The following GRID2 variants were observed in gnomAD, a reference collection of about 807,000 sequenced individuals.
GRID2 encodes the protein glutamate ionotropic receptor delta type subunit 2.
Under a neutral mutation model 114.8 loss-of-function variants are expected in GRID2, and 33 were observed. The observed-to-expected ratio is 0.29, with a 90% CI of 0.22 to 0.38. GRID2 has a LOEUF of 0.38. Among genes scored for constraint, GRID2 ranks in the 10% least tolerant of loss-of-function variants. GRID2 has a pLI of 1.00. For missense variants in GRID2, 1,184 were observed against 1,257.7 expected (o/e 0.94, Z 0.89); for synonymous variants, 505 against 449.9 (o/e 1.12, Z -1.55).
At chr4:92,437,755 A>G (rs762917089) in intron 1 of GRID2, among the ~76,000 whole-genome samples, 6 of 152,212 alleles carry the variant, frequency 3.9e-5, no homozygotes, top group Non-Finnish European at 8.8e-5. Context: ...TCTATATTAC[A>G]TCTACATGGC....
chr4:92,904,353 ATATT>A (rs1233549682), intron 2 of GRID2, among the ~76,000 whole-genome samples: 7 of 150,388 alleles, frequency 4.7e-5, no homozygotes, highest in South Asian at 2.1e-4. Flanking sequence ...TAAATAAAAT[ATATT>A]TATTTTCAAT....
intron 2 of GRID2, among the ~76,000 whole-genome samples, chr4:92,988,643 T>C (rs1252508730): frequency 6.6e-6 from 1 of 152,124 alleles, no homozygotes; most frequent in Non-Finnish European, 1.5e-5. Context: ...TTACCCAATT[T>C]ATAGACACGA....
At chr4:93,705,509 G>A (rs1048757509) in intron 14 of GRID2, among the ~76,000 whole-genome samples, 2 of 150,902 alleles carry the variant, frequency 1.3e-5, no homozygotes, top group Non-Finnish European at 3.0e-5. Flanking sequence ...TTTTTGTATT[G>A]CCCAGTTTTT....
intron 2 of GRID2, among the ~76,000 whole-genome samples, chr4:92,998,312 A>G (rs1013116441): frequency 1.3e-5 from 2 of 151,988 alleles, no homozygotes; most frequent in Non-Finnish European, 2.9e-5. Flanking sequence ...ATTTTGAACT[A>G]TTTTCACTGA....
chr4:93,060,972 A>G (rs543576109), intron 2 of GRID2, among the ~76,000 whole-genome samples: 1 of 152,022 alleles, frequency 6.6e-6, no homozygotes, highest in South Asian at 2.1e-4. Context: ...ACGTGGTGGC[A>G]TGTGCCTGTA....
chr4:92,382,281 C>T (rs1299889648), intron 1 of GRID2, among the ~76,000 whole-genome samples: 2 of 151,812 alleles, frequency 1.3e-5, no homozygotes, highest in African/African-American at 4.8e-5. Context: ...ATGGCAACAG[C>T]ATAGCACCCA....
chr4:92,542,591 G>C (rs1302090586), intron 1 of GRID2, among the ~76,000 whole-genome samples: 1 of 151,880 alleles, frequency 6.6e-6, no homozygotes, highest in South Asian at 2.1e-4. Context: ...TGAAGATGCA[G>C]AGCATAAGAA....
intron 9 of GRID2, among the ~76,000 whole-genome samples, chr4:93,404,003 T>A (rs1215556792): frequency 1.3e-5 from 2 of 152,126 alleles, no homozygotes; most frequent in Non-Finnish European, 2.9e-5. Flanking sequence ...AATGGATACA[T>A]AAAATGTAGT....
intron 14 of GRID2, among the ~76,000 whole-genome samples, chr4:93,737,077 TA>T (rs1215070120): frequency 1.3e-5 from 2 of 152,094 alleles, no homozygotes; most frequent in African/African-American, 4.8e-5. Flanking sequence ...TAATGATTTT[TA>T]GTTGTAAAAT....
chr4:92,630,483 CT>C, intron 2 of GRID2, among the ~76,000 whole-genome samples: 1 of 152,194 alleles, frequency 6.6e-6, no homozygotes, highest in Non-Finnish European at 1.5e-5. Flanking sequence ...GGGACTTAGC[CT>C]TTGCTACATA....
At chr4:93,124,346 C>T (rs1033258035) in intron 4 of GRID2, among the ~76,000 whole-genome samples, 3 of 152,132 alleles carry the variant, frequency 2.0e-5, no homozygotes, top group South Asian at 4.1e-4. Context: ...ATAGTGAGCT[C>T]ATGCATTCTA....
intron 8 of GRID2, among the ~76,000 whole-genome samples, chr4:93,388,964 A>G (rs569219064): frequency 3.3e-5 from 5 of 152,284 alleles, no homozygotes; most frequent in Admixed American, 3.3e-4. Flanking sequence ...GAGACAGTGA[A>G]GTGATAGTGA....
chr4:93,582,778 A>T (rs1230546498), intron 13 of GRID2, among the ~76,000 whole-genome samples: 1 of 152,180 alleles, frequency 6.6e-6, no homozygotes, highest in African/African-American at 2.4e-5. Context: ...TTGGGGAAAT[A>T]AATAATTCCT....
intron 1 of GRID2, among the ~76,000 whole-genome samples, chr4:92,442,694 T>C (rs540706437): frequency 1.3e-5 from 2 of 152,266 alleles, no homozygotes; most frequent in Admixed American, 1.3e-4. Flanking sequence ...GATGGCCTTT[T>C]GACCTTTTAG....
intron 1 of GRID2, among the ~76,000 whole-genome samples, chr4:92,531,416 C>A: frequency 6.6e-6 from 1 of 151,588 alleles, no homozygotes; most frequent in African/African-American, 2.4e-5. Flanking sequence ...GAGAATGAAA[C>A]CAACAAACAA....
intron 2 of GRID2, among the ~76,000 whole-genome samples, chr4:92,722,980 A>G (rs995335769): frequency 6.6e-6 from 1 of 152,202 alleles, no homozygotes; most frequent in African/African-American, 2.4e-5. Context: ...ATCATTAAAG[A>G]CAAAGATGTT....
At chr4:93,115,864 A>G (rs1050721532) in intron 4 of GRID2, among the ~76,000 whole-genome samples, 104 of 152,246 alleles carry the variant, frequency 6.8e-4, no homozygotes, top group Admixed American at 5.9e-4. Flanking sequence ...GGTCCCTCCT[A>G]CAACACATGG....
chr4:93,153,564 A>G (rs1429515172), intron 4 of GRID2, among the ~76,000 whole-genome samples: 1 of 151,994 alleles, frequency 6.6e-6, no homozygotes, highest in African/African-American at 2.4e-5. Flanking sequence ...GTTCTAGCCG[A>G]TGTGCTATGA....
rs570120835 is a variant in GRID2, at chr4:93,235,309, A to G, written c.1126-3062A>G. On this transcript the variant is annotated intron_variant, in intron 7 of 15. Coordinates refer to ENST00000282020, the MANE Select transcript of GRID2 (RefSeq NM_001510.4). Reference sequence around the variant, plus strand: ...TACTGCCAATTTAAAGGACGTTTAGAAATTATCTGTATGTGTTATTCATAC... The same window carrying G: ...TACTGCCAATTTAAAGGACGTTTAGGAATTATCTGTATGTGTTATTCATAC... Among the ~76,000 whole-genome samples, 3 of 152,250 alleles carry G rather than the reference A, an allele frequency of 2.0e-5. No individual in the cohort carries two copies. The South Asian group carries it at 6.2e-4, about 32-fold the overall frequency.
Sources: allele counts gnomAD v4.1 joint callset (sites outside exome capture counted in the v4.1 genomes callset), GRCh38; gene constraint gnomAD v4.1.1; transcripts MANE v1.5; gene names NCBI Gene and HGNC (gene_info 2026-07-23, HGNC 2026-07-21).